Variants in NRG2 observed in about 807,000 individuals in gnomAD.
The protein encoded by NRG2 is neuregulin 2, also known as pro-neuregulin-2, membrane-bound isoform.
A neutral mutation model predicts 73.9 loss-of-function variants in NRG2; 27 were observed. That is an observed-to-expected ratio of 0.37 (90% CI 0.27 to 0.50). The LOEUF (loss-of-function observed/expected upper bound fraction) is 0.50, where lower values mean the gene tolerates loss of function less well. Ranked by LOEUF, NRG2 falls within the 20% of genes least tolerant of loss-of-function variation. The pLI is 0.96. For synonymous variants in NRG2, 532 were observed against 541.0 expected, an observed-to-expected ratio of 0.98 and a Z score of 0.23; for missense variants, 1,126 against 1,210.1, an observed-to-expected ratio of 0.93 and a Z score of 1.03.
chr5:139,885,759 G>A (rs1763823160), intron 2 of NRG2, among the ~76,000 whole-genome samples: 1 of 151,864 alleles, frequency 6.6e-6, no homozygotes, highest in East Asian at 1.9e-4. Context: ...GAGTATGAGT[G>A]TGTGGCACCA....
At chr5:139,917,907 T>A (rs1751384348) in intron 1 of NRG2, among the ~76,000 whole-genome samples, 2 of 152,184 alleles carry the variant, frequency 1.3e-5, no homozygotes, top group Non-Finnish European at 2.9e-5. Context: ...TTAACTCTAC[T>A]TTAACTATTT....
At position 139,852,376 on chromosome 5, in the gene NRG2, T is replaced by C. The variant is rs1253319605; in HGVS notation, c.1544+56A>G. ...TGGATGTCGGAGTAAGTGGGCACTTTGCGCCAGATGAAGTATGTGAGTCTA... is the reference window on the plus strand; with the variant it reads ...TGGATGTCGGAGTAAGTGGGCACTTCGCGCCAGATGAAGTATGTGAGTCTA... On this transcript the variant is annotated intron_variant, in intron 8 of 9. Transcript: ENST00000361474. The surrounding 1 kb of genome is among the most constrained non-coding windows in gnomAD (Gnocchi z 4.4). The C allele has an allele frequency of 1.9e-6, 3 of 1,585,494 alleles. No homozygotes were observed. The African/African-American group carries it at 4.0e-5, about 21-fold the overall frequency.
At chr5:139,982,919 G>A (rs911063619) in intron 1 of NRG2, among the ~76,000 whole-genome samples, 1 of 152,176 alleles carries the variant, frequency 6.6e-6, no homozygotes, top group South Asian at 2.1e-4. Context: ...CCACACTCCT[G>A]CAGTTCCTCT....
intron 1 of NRG2, among the ~76,000 whole-genome samples, chr5:139,963,590 T>C (rs1232667354): frequency 6.6e-6 from 1 of 152,224 alleles, no homozygotes; most frequent in Non-Finnish European, 1.5e-5. Flanking sequence ...CCAGCCACCA[T>C]GCCAAACACT....
chr5:139,901,656 T>C (rs1462495300), intron 1 of NRG2, among the ~76,000 whole-genome samples: 1 of 152,228 alleles, frequency 6.6e-6, no homozygotes, highest in Non-Finnish European at 1.5e-5. Flanking sequence ...TCCAGAGCCC[T>C]CAGCTAGTGA....
At chr5:140,025,596 A>C (rs1760622197) in intron 1 of NRG2, among the ~76,000 whole-genome samples, 1 of 152,208 alleles carries the variant, frequency 6.6e-6, no homozygotes, top group Non-Finnish European at 1.5e-5. Context: ...ACTCAAATCC[A>C]CATATCAGAG....
chr5:140,028,535 A>T (rs1760882382), intron 1 of NRG2, among the ~76,000 whole-genome samples: 1 of 152,110 alleles, frequency 6.6e-6, no homozygotes, highest in Non-Finnish European at 1.5e-5. Flanking sequence ...TGCATTGAGG[A>T]GTCTCAACTA....
chr5:139,898,353 G>T (rs557309886), intron 1 of NRG2, among the ~76,000 whole-genome samples: 1 of 152,302 alleles, frequency 6.6e-6, no homozygotes, highest in Admixed American at 6.5e-5. Flanking sequence ...CTGGTTTAGG[G>T]GAGCAGGTTG....
intron 1 of NRG2, among the ~76,000 whole-genome samples, chr5:139,898,914 T>C (rs763058098): frequency 3.1e-4 from 47 of 152,238 alleles, no homozygotes; most frequent in Non-Finnish European, 6.5e-4. Flanking sequence ...TCTGGGCACA[T>C]AGCCCCTTTG....
At chr5:139,861,145 C>T (rs1267060844) in intron 5 of NRG2, among the ~76,000 whole-genome samples, 1 of 152,226 alleles carries the variant, frequency 6.6e-6, no homozygotes, top group Non-Finnish European at 1.5e-5. Context: ...AGTGCTTGCA[C>T]ACAGCTACAG....
At position 139,868,384 on chromosome 5, in the gene NRG2, C is replaced by T. The variant is rs1381337590; in HGVS notation, c.1113-2759G>A. Among the ~76,000 whole-genome samples the T allele has an allele frequency of 6.6e-6, 1 of 152,058 alleles. No homozygotes were observed. The highest frequency in any genetic ancestry group is 1.5e-5 in the Non-Finnish European group (1 of 68,004). On this transcript the variant is annotated intron_variant, in intron 4 of 9. Coordinates refer to ENST00000361474, the MANE Select transcript of NRG2 (RefSeq NM_004883.3). This position sits in a 1 kb window ranked among gnomAD's most constrained non-coding sequence, Gnocchi z 4.2. Reference sequence around the variant, plus strand: ...AACCAGGTTGGGAGTCTGAACTCAGCATTGGGGGCTGGGTGGTGGTTGGTG... The same window carrying T: ...AACCAGGTTGGGAGTCTGAACTCAGTATTGGGGGCTGGGTGGTGGTTGGTG...
chr5:139,973,349 C>T (rs1382114988), intron 1 of NRG2, among the ~76,000 whole-genome samples: 1 of 152,040 alleles, frequency 6.6e-6, no homozygotes, highest in African/African-American at 2.4e-5. Flanking sequence ...GATGTTCCTT[C>T]CTTATATCCT....
intron 1 of NRG2, among the ~76,000 whole-genome samples, chr5:140,017,894 C>T (rs1483884064): frequency 6.6e-6 from 1 of 152,226 alleles, no homozygotes; most frequent in Non-Finnish European, 1.5e-5. Flanking sequence ...TGGTGTTAGG[C>T]TCCTGAGAAG....
At chr5:140,030,035 G>T (rs545613271) in intron 1 of NRG2, among the ~76,000 whole-genome samples, 115 of 152,238 alleles carry the variant, frequency 7.6e-4, no homozygotes, top group African/African-American at 2.6e-3. Flanking sequence ...CTCCTCCACA[G>T]AAAGTAATCT....
In NRG2 at chr5:139,904,589, G is replaced by C. The variant is rs796293476; in HGVS notation, c.701-17078C>G. Among the ~76,000 whole-genome samples, 720 of 152,100 alleles carry C rather than the reference G, an allele frequency of 4.7e-3. 5 individuals carry two copies. The highest frequency in any genetic ancestry group is 0.016 in the African/African-American group (676 of 41,546). On this transcript the variant is annotated intron_variant, in intron 1 of 9. Coordinates refer to ENST00000361474, the MANE Select transcript of NRG2 (RefSeq NM_004883.3). This position sits in a 1 kb window ranked among gnomAD's most constrained non-coding sequence, Gnocchi z 6.0. ...ACCCTCGCCCCCCCTCCACCGGCTC[G>C]GGCCGCGGGGGCGTGTGGGCGGCCG...
chr5:139,979,697 T>C (rs1756646849), intron 1 of NRG2, among the ~76,000 whole-genome samples: 1 of 152,178 alleles, frequency 6.6e-6, no homozygotes, highest in African/African-American at 2.4e-5. Flanking sequence ...TGGAAGCAGA[T>C]CTTCCAAATC....
intron 4 of NRG2, among the ~76,000 whole-genome samples, chr5:139,867,332 G>A (rs1401973040): frequency 1.3e-5 from 2 of 151,740 alleles, no homozygotes; most frequent in African/African-American, 4.8e-5. Context: ...GGTATGCCTG[G>A]CTAATTGGGG....
intron 1 of NRG2, among the ~76,000 whole-genome samples, chr5:139,919,880 A>G (rs1362725440): frequency 6.6e-6 from 1 of 152,258 alleles, no homozygotes; most frequent in East Asian, 1.9e-4. Context: ...ACAGCTATGC[A>G]AGTCTCGCAA....
chr5:139,898,707 T>G (rs943886782), intron 1 of NRG2, among the ~76,000 whole-genome samples: 2 of 152,238 alleles, frequency 1.3e-5, no homozygotes, highest in African/African-American at 4.8e-5. Context: ...TATGTGGCTA[T>G]GATGCCTAAA....
Sources: gnomAD v4.1 joint callset for allele counts (sites outside exome capture counted in the v4.1 genomes callset) on GRCh38, gnomAD v4.1.1 for gene constraint, Gnocchi (gnomAD v3.1) non-coding constraint, MANE v1.5 for transcripts, NCBI Gene and HGNC (gene_info 2026-07-23, HGNC 2026-07-21) for gene names.